NR6A1: variants seen among roughly 807,000 people sequenced by gnomAD.
NR6A1 encodes the protein retinoic acid receptor-related testis-associated receptor.
Under a neutral mutation model 59.1 loss-of-function variants are expected in NR6A1, and 7 were observed. The ratio of observed to expected loss-of-function variants is 0.12; its 90% CI spans 0.07 to 0.22. The LOEUF (loss-of-function observed/expected upper bound fraction) is 0.22, where lower values mean the gene tolerates loss of function less well. Among genes scored for constraint, NR6A1 ranks in the 10% least tolerant of loss-of-function variants. NR6A1 has a pLI of 1.00. For missense variants in NR6A1, 468 were observed against 611.6 expected, an observed-to-expected ratio of 0.77 and a Z score of 2.48; for synonymous variants, 243 against 236.1, an observed-to-expected ratio of 1.03 and a Z score of -0.27.
chr9:124,757,798 G>A (rs1393460328), intron 1 of NR6A1, among the ~76,000 whole-genome samples: 3 of 152,160 alleles, frequency 2.0e-5, no homozygotes, highest in Non-Finnish European at 4.4e-5. Context: ...CTTTAACCCT[G>A]CTTTCCAAAC....
intron 2 of NR6A1, among the ~76,000 whole-genome samples, chr9:124,716,957 T>G (rs1022517374): frequency 2.6e-5 from 4 of 152,142 alleles, no homozygotes. Flanking sequence ...ACCAAAAGAT[T>G]TGAACACTTT....
At chr9:124,634,657 T>TA (rs1252780356) in intron 2 of NR6A1, among the ~76,000 whole-genome samples, 2 of 152,152 alleles carry the variant, frequency 1.3e-5, no homozygotes, top group African/African-American at 4.8e-5. Flanking sequence ...CCGTCTCTAC[T>TA]AAAAATACAA....
chr9:124,653,917 G>T (rs1208857706), intron 2 of NR6A1, among the ~76,000 whole-genome samples: 1 of 152,030 alleles, frequency 6.6e-6, no homozygotes, highest in Non-Finnish European at 1.5e-5. Context: ...TATGTGCCGA[G>T]GACATATGCT....
At chr9:124,642,739 G>A (rs1437230054) in intron 2 of NR6A1, among the ~76,000 whole-genome samples, 3 of 152,184 alleles carry the variant, frequency 2.0e-5, no homozygotes, top group Non-Finnish European at 2.9e-5. Flanking sequence ...GTCATTTGGT[G>A]ATGAAGACAG....
At chr9:124,685,102 T>C (rs1755332605) in intron 2 of NR6A1, among the ~76,000 whole-genome samples, 1 of 152,210 alleles carries the variant, frequency 6.6e-6, no homozygotes, top group Admixed American at 6.5e-5. Context: ...TGACTTAGAA[T>C]CTTCATTTCC....
chr9:124,770,581 G>A (rs948545924), intron 1 of NR6A1, among the ~76,000 whole-genome samples: 2 of 149,820 alleles, frequency 1.3e-5, no homozygotes, highest in African/African-American at 4.9e-5. Flanking sequence ...CGAGTGAGGG[G>A]ATGCCCCCAC....
intron 2 of NR6A1, among the ~76,000 whole-genome samples, chr9:124,690,519 G>A (rs576748162): frequency 6.6e-6 from 1 of 152,156 alleles, no homozygotes; most frequent in African/African-American, 2.4e-5. Flanking sequence ...AGTTGGATTG[G>A]CTTGTTAAAT....
At chr9:124,710,138 G>C (rs1281662707) in intron 2 of NR6A1, among the ~76,000 whole-genome samples, 3 of 151,998 alleles carry the variant, frequency 2.0e-5, no homozygotes, top group African/African-American at 4.8e-5. Flanking sequence ...AGTTATGCTG[G>C]ACAACTGAGG....
At chr9:124,547,809 C>A (rs563374249) in intron 3 of NR6A1, among the ~76,000 whole-genome samples, 7 of 152,052 alleles carry the variant, frequency 4.6e-5, no homozygotes, top group African/African-American at 1.7e-4. Context: ...GAAAGACTGA[C>A]GAACTATTTC....
At chr9:124,697,335 G>A (rs1838798418) in intron 2 of NR6A1, among the ~76,000 whole-genome samples, 1 of 152,100 alleles carries the variant, frequency 6.6e-6, no homozygotes, top group Non-Finnish European at 1.5e-5. Flanking sequence ...AACGTAAAAG[G>A]CAGAACTAAT....
intron 1 of NR6A1, among the ~76,000 whole-genome samples, chr9:124,749,385 G>C (rs1840431819): frequency 6.6e-6 from 1 of 152,122 alleles, no homozygotes; most frequent in Admixed American, 6.6e-5. Context: ...CAGCTTTAGG[G>C]AAAGTGTTCC....
chr9:124,687,286 A>ATTT (rs1376182314), intron 2 of NR6A1, among the ~76,000 whole-genome samples: 2 of 125,136 alleles, frequency 1.6e-5, no homozygotes, highest in African/African-American at 6.2e-5. Flanking sequence ...ACAGCCAGCT[A>ATTT]ATTAATTATT....
chr9:124,666,011 C>G (rs1837602324), intron 2 of NR6A1, among the ~76,000 whole-genome samples: 1 of 152,170 alleles, frequency 6.6e-6, no homozygotes, highest in Non-Finnish European at 1.5e-5. Context: ...CTCCCAAGAT[C>G]CAAAAGTTCC....
intron 2 of NR6A1, among the ~76,000 whole-genome samples, chr9:124,644,271 CTTTTTTT>C (rs35401605): frequency 3.1e-5 from 3 of 96,744 alleles, no homozygotes; most frequent in Admixed American, 1.3e-4. Flanking sequence ...ATTAAGTCTT[CTTTTTTT>C]TTTTTTTTTT....
chr9:124,745,047 A>C (rs984943456), intron 1 of NR6A1, among the ~76,000 whole-genome samples: 1 of 152,272 alleles, frequency 6.6e-6, no homozygotes, highest in African/African-American at 2.4e-5. Flanking sequence ...CCTAAGAATC[A>C]GAAATACAGA....
chr9:124,730,781 C>A (rs1241871839), intron 2 of NR6A1, among the ~76,000 whole-genome samples: 1 of 151,998 alleles, frequency 6.6e-6, no homozygotes, highest in East Asian at 1.9e-4. Flanking sequence ...TGGGCATTAA[C>A]CATTTTCAAT....
intron 2 of NR6A1, among the ~76,000 whole-genome samples, chr9:124,719,630 G>C (rs772102041): frequency 2.0e-5 from 3 of 152,080 alleles, no homozygotes; most frequent in Non-Finnish European, 4.4e-5. Context: ...ATTTAAAGAA[G>C]GCAGCAGGCT....
chr9:124,752,325 A>G (rs2131175941), intron 1 of NR6A1, among the ~76,000 whole-genome samples: 1 of 152,312 alleles, frequency 6.6e-6, no homozygotes, highest in South Asian at 2.1e-4. Context: ...TCTTATTCAA[A>G]AAGTTTTAAA....
At chr9:124,644,498 C>T (rs189841621) in intron 2 of NR6A1, among the ~76,000 whole-genome samples, 185 of 152,070 alleles carry the variant, frequency 1.2e-3, no homozygotes, top group African/African-American at 4.0e-3. Flanking sequence ...GTGATCCGCC[C>T]GCCTCAGCTT....
Sources: gnomAD v4.1 joint callset for allele counts (sites outside exome capture counted in the v4.1 genomes callset) on GRCh38, gnomAD v4.1.1 for gene constraint, MANE v1.5 for transcripts, NCBI Gene and HGNC (gene_info 2026-07-23, HGNC 2026-07-21) for gene names.